The following VPS26B variants were observed in gnomAD, a reference collection of about 807,000 sequenced individuals.
VPS26B encodes the protein VPS26 retromer complex component B.
In VPS26B, 10 loss-of-function variants were observed where a neutral mutation model predicts 33.3. The observed-to-expected ratio is 0.30, with a 90% CI of 0.19 to 0.51. The LOEUF is 0.51. Among genes scored for constraint, VPS26B ranks in the 20% least tolerant of loss-of-function variants. VPS26B has a pLI of 0.98. For missense variants in VPS26B, 317 were observed against 452.7 expected (o/e 0.70, Z 2.72); for synonymous variants, 190 against 176.9 (o/e 1.07, Z -0.59).
Position 134,237,277 on chromosome 11 carries a change from G to A in VPS26B, c.380+2224G>A, listed in dbSNP as rs187831180. On this transcript the variant is annotated intron_variant, in intron 2 of 5. Transcript: ENST00000281187. ...TCAGAAGGCTATTGTGAGGTCCTCC[G>A]AGTATGATTTTGGTGGCTGTAATGG... 3.9e-5 allele frequency among the ~76,000 whole-genome samples: 6 copies of A among 152,300 alleles called. 1 individual carries two copies. Among genetic ancestry groups the A allele is most frequent in the Admixed American group, 2.0e-4 (3 of 15,302 alleles).
Position 134,235,016 on chromosome 11 carries a change from C to T in VPS26B, c.343C>T (p.Pro115Ser). ...CTTTGAGTTTACCCACGTGGAGAAG[C>T]CGTATGAGTCCTACACAGGGCAGAA... is the stretch of plus-strand genomic sequence containing the variant. ...FDFEFTHVEK[P>S]YESYTGQNVK... The change falls in exon 2 of 6, where the codon CCG (proline) becomes TCG (serine). Residue 115 changes from proline to serine, a missense_variant. Coordinates refer to ENST00000281187, the MANE Select transcript of VPS26B (RefSeq NM_052875.5). The T allele has an allele frequency of 6.2e-7, 1 of 1,614,092 alleles. No individual in the cohort carries two copies. The highest frequency in any genetic ancestry group is 8.5e-7 in the Non-Finnish European group (1 of 1,180,026).
At chr11:134,226,245 A>C (rs577850451) in intron 1 of VPS26B, among the ~76,000 whole-genome samples, 1 of 152,000 alleles carries the variant, frequency 6.6e-6, no homozygotes, top group African/African-American at 2.4e-5. Context: ...ACCCCCAAAA[A>C]TTTTTTTGTA....
intron 1 of VPS26B, among the ~76,000 whole-genome samples, chr11:134,234,652 G>C (rs910170053): frequency 6.6e-6 from 1 of 152,128 alleles, no homozygotes; most frequent in Non-Finnish European, 1.5e-5. Context: ...CGAGTGTCTT[G>C]GAGCAGGATT....
At chr11:134,243,078 A>C in intron 3 of VPS26B, 41 bp from the exon 4 acceptor site, 1 of 1,607,426 alleles carries the variant, frequency 6.2e-7, no homozygotes, top group Non-Finnish European at 8.5e-7. Context: ...AGGTCTGGCC[A>C]CAGTACCAAC....
At chr11:134,243,521 G>T (rs1938764939) in intron 4 of VPS26B, 1 of 558,526 alleles carries the variant, frequency 1.8e-6, no homozygotes, top group Non-Finnish European at 3.1e-6. Flanking sequence ...GTTGCACTTA[G>T]ACTTGGATTA....
intron 1 of VPS26B, 50 bp from the exon 2 acceptor site, chr11:134,234,847 G>A (rs370246948): frequency 1.6e-4 from 256 of 1,593,236 alleles, no homozygotes; most frequent in Non-Finnish European, 2.1e-4. Flanking sequence ...TCGGCCCGGT[G>A]TAGCTCAGGG....
At chr11:134,231,167 T>C (rs764997920) in intron 1 of VPS26B, among the ~76,000 whole-genome samples, 4 of 151,512 alleles carry the variant, frequency 2.6e-5, no homozygotes, top group Admixed American at 6.6e-5. Flanking sequence ...AGGTCAGACA[T>C]GCGGAGGAGG....
In VPS26B at chr11:134,234,006, C is replaced by T. The variant is rs550005930; in HGVS notation, c.224-891C>T. Reference sequence around the variant, plus strand: ...TAAAGCGTGGAAGTGTGGTAGCAGCCGTCCTGGGGAGCTTATCAGAAGGGC... The same window carrying T: ...TAAAGCGTGGAAGTGTGGTAGCAGCTGTCCTGGGGAGCTTATCAGAAGGGC... On this transcript the variant is annotated intron_variant, in intron 1 of 5. Transcript: ENST00000281187. 1.6e-4 allele frequency among the ~76,000 whole-genome samples: 24 copies of T among 152,232 alleles called. No individual in the cohort carries two copies. In the South Asian group the frequency reaches 3.9e-3, roughly 25 times the overall value.
Position 134,244,742 on chromosome 11 carries a change from T to G in VPS26B, c.722-196T>G. The G allele has an allele frequency of 3.3e-6, 2 of 610,054 alleles. No individual in the cohort carries two copies. The highest frequency in any genetic ancestry group is 2.7e-6 in the Non-Finnish European group (1 of 366,404). 37.8% of individuals were successfully genotyped at this position (610,054 alleles called of 1,614,324 possible). ...CGAGAAGACATGAGAAGCTGCAACA[T>G]GACCTGGAGTGGAACTGGAGAGTCA... On this transcript the variant is annotated intron_variant, in intron 4 of 5. Transcript: ENST00000281187. This position sits in a 1 kb window ranked among gnomAD's most constrained non-coding sequence, Gnocchi z 4.0.
At chr11:134,229,973 TTTTCCC>T (rs1218149925) in intron 1 of VPS26B, among the ~76,000 whole-genome samples, 1 of 152,222 alleles carries the variant, frequency 6.6e-6, no homozygotes, top group African/African-American at 2.4e-5. Flanking sequence ...AATCTTGGTA[TTTTCCC>T]TTTGTATAGT....
chr11:134,228,742 A>G (rs1431117191), intron 1 of VPS26B, among the ~76,000 whole-genome samples: 1 of 152,228 alleles, frequency 6.6e-6, no homozygotes, highest in East Asian at 1.9e-4. Flanking sequence ...CAGTCATTGT[A>G]AACTGAGCTT....
At chr11:134,233,701 G>A (rs1352055943) in intron 1 of VPS26B, among the ~76,000 whole-genome samples, 2 of 151,286 alleles carry the variant, frequency 1.3e-5, no homozygotes, top group Non-Finnish European at 2.9e-5. Flanking sequence ...CTCCAGCCTG[G>A]GCGACAGAGC....
intron 1 of VPS26B, among the ~76,000 whole-genome samples, chr11:134,232,858 C>T (rs539835275): frequency 3.9e-5 from 6 of 152,232 alleles, no homozygotes; most frequent in Admixed American, 2.0e-4. Context: ...GGCTTCCACA[C>T]GAAAGCCAAC....
chr11:134,230,875 C>G (rs1938546277), intron 1 of VPS26B, among the ~76,000 whole-genome samples: 1 of 152,194 alleles, frequency 6.6e-6, no homozygotes, highest in Non-Finnish European at 1.5e-5. Flanking sequence ...GGATACTTTT[C>G]CAGTGGCTTG....
chr11:134,243,478 C>T, intron 4 of VPS26B, 184 bp downstream of exon 4: 1 of 667,334 alleles, frequency 1.5e-6, no homozygotes, highest in Non-Finnish European at 2.5e-6. Context: ...GTGTGTAGAA[C>T]TTGAGGCTAC....
chr11:134,245,279 G>A lies in VPS26B; in HGVS notation c.865-165G>A, dbSNP rs1192890754. Among the ~76,000 whole-genome samples the A allele has an allele frequency of 6.6e-6, 1 of 152,184 alleles. No individual in the cohort carries two copies. The highest frequency in any genetic ancestry group is 2.4e-5 in the African/African-American group (1 of 41,432). ...TCTCCTGCAACCACCTGCCCTTTTG[G>A]CCCACACCAGGGACAGGGAGGTGCT... On this transcript the variant is annotated intron_variant, in intron 5 of 5. Coordinates refer to ENST00000281187, the MANE Select transcript of VPS26B (RefSeq NM_052875.5). This position sits in a 1 kb window ranked among gnomAD's most constrained non-coding sequence, Gnocchi z 4.7.
chr11:134,226,767 C>T (rs1938482350), intron 1 of VPS26B, among the ~76,000 whole-genome samples: 1 of 152,118 alleles, frequency 6.6e-6, no homozygotes, highest in Non-Finnish European at 1.5e-5. Flanking sequence ...AGGCAGGAAA[C>T]ACGGAGACAC....
At chr11:134,232,298 T>A (rs1938567618) in intron 1 of VPS26B, among the ~76,000 whole-genome samples, 1 of 152,192 alleles carries the variant, frequency 6.6e-6, no homozygotes, top group Admixed American at 6.5e-5. Context: ...TGGATTTTTG[T>A]TTTAATTTAT....
rs2136054274 is a variant in VPS26B at position 134,244,458 on chromosome 11, C to G, written c.722-480C>G. Reference sequence around the variant, plus strand: ...TCACAAATCAGAAAAGCGGTTCTTGCAGAACTGAGGCCATAGTGAGGACTT... The same window carrying G: ...TCACAAATCAGAAAAGCGGTTCTTGGAGAACTGAGGCCATAGTGAGGACTT... On this transcript the variant is annotated intron_variant, in intron 4 of 5. Transcript: ENST00000281187. This position sits in a 1 kb window ranked among gnomAD's most constrained non-coding sequence, Gnocchi z 4.0. 6.5e-6 allele frequency: 1 copy of G among 152,954 alleles called. No individual in the cohort carries two copies. Among genetic ancestry groups the G allele is most frequent in the South Asian group, 2.1e-4 (1 of 4,860 alleles). The allele number at this position is 152,954 out of a possible 1,614,324, so 9.5% of individuals were successfully genotyped here.
Sources: allele counts gnomAD v4.1 joint callset (sites outside exome capture counted in the v4.1 genomes callset), GRCh38; gene constraint gnomAD v4.1.1; non-coding constraint Gnocchi (gnomAD v3.1); transcripts MANE v1.5; gene names NCBI Gene and HGNC (gene_info 2026-07-23, HGNC 2026-07-21).